MAGI1: variants seen among roughly 807,000 people sequenced by gnomAD.
The protein encoded by MAGI1 is membrane-associated guanylate kinase, WW and PDZ domain-containing protein 1.
MAGI1 carries 58 observed loss-of-function variants against 139.9 expected under a neutral mutation model. The observed-to-expected ratio is 0.41, with a 90% CI of 0.34 to 0.52. MAGI1 has a LOEUF of 0.52. Among genes scored for constraint, MAGI1 ranks in the 20% least tolerant of loss-of-function variants. The pLI, the probability that MAGI1 is intolerant of heterozygous loss-of-function variation, is 0.12. For missense variants in MAGI1, 1,874 were observed against 1,901.6 expected (o/e 0.99, Z 0.27); for synonymous variants, 812 against 737.9 (o/e 1.10, Z -1.63).
chr3:65,488,564 T>C (rs1951778319), intron 3 of MAGI1, among the ~76,000 whole-genome samples: 1 of 152,060 alleles, frequency 6.6e-6, no homozygotes, highest in South Asian at 2.1e-4. Context: ...TTGTGTCGAA[T>C]TCCTGACCTA....
At chr3:65,507,088 T>C (rs143583257) in intron 2 of MAGI1, among the ~76,000 whole-genome samples, 2 of 151,922 alleles carry the variant, frequency 1.3e-5, no homozygotes, top group Non-Finnish European at 2.9e-5. Context: ...CTTGAAAAAA[T>C]AAAGAAGAAT....
At chr3:65,686,380 C>T (rs865782439) in intron 1 of MAGI1, among the ~76,000 whole-genome samples, 2 of 152,168 alleles carry the variant, frequency 1.3e-5, no homozygotes, top group Admixed American at 6.5e-5. Flanking sequence ...CAACTTCCGC[C>T]TCCTGGATTC....
chr3:65,797,629 T>C (rs545152131), intron 1 of MAGI1, among the ~76,000 whole-genome samples: 122 of 152,146 alleles, frequency 8.0e-4, no homozygotes, highest in African/African-American at 2.9e-3. Context: ...GGTCAGGTGA[T>C]CACCTGAGCC....
chr3:65,408,639 A>T (rs973885084), intron 12 of MAGI1, among the ~76,000 whole-genome samples: 2 of 152,234 alleles, frequency 1.3e-5, no homozygotes, highest in African/African-American at 4.8e-5. Context: ...AGCCATCTGC[A>T]TCATTTCCTG....
At chr3:65,944,567 C>T (rs1451917063) in intron 1 of MAGI1, among the ~76,000 whole-genome samples, 4 of 151,766 alleles carry the variant, frequency 2.6e-5, no homozygotes, top group South Asian at 2.1e-4. Flanking sequence ...CTTTCCAATG[C>T]CTTTTTTTGA....
intron 1 of MAGI1, among the ~76,000 whole-genome samples, chr3:65,755,265 A>G (rs2036476855): frequency 6.6e-6 from 1 of 152,174 alleles, no homozygotes; most frequent in African/African-American, 2.4e-5. Context: ...GTACATTTGC[A>G]TTATATCAGC....
At chr3:65,678,089 G>A (rs890774920) in intron 1 of MAGI1, among the ~76,000 whole-genome samples, 2 of 152,122 alleles carry the variant, frequency 1.3e-5, no homozygotes, top group South Asian at 2.1e-4. Context: ...ACCAAACACC[G>A]CATGTTCTCG....
intron 1 of MAGI1, among the ~76,000 whole-genome samples, chr3:65,866,003 T>C (rs1359585963): frequency 6.6e-6 from 1 of 152,178 alleles, no homozygotes; most frequent in African/African-American, 2.4e-5. Flanking sequence ...TCATAACATA[T>C]GACTGAGAGA....
At position 65,721,151 on chromosome 3, in the gene MAGI1, T is replaced by C. The variant is rs146171552; in HGVS notation, c.314-99063A>G. Among the ~76,000 whole-genome samples, 42 of 152,284 alleles carry C rather than the reference T, an allele frequency of 2.8e-4. No homozygotes were observed. The East Asian group carries it at 6.8e-3, about 24-fold the overall frequency. On this transcript the variant is annotated intron_variant, in intron 1 of 22. Coordinates refer to ENST00000402939, the MANE Select transcript of MAGI1 (RefSeq NM_001033057.2). ...CAGAGGTAGTGAGACCAACGCCCTA[T>C]TGCTTTTAACTAATATGTTTGCCAC...
At chr3:65,817,632 A>G (rs574046621) in intron 1 of MAGI1, among the ~76,000 whole-genome samples, 26 of 152,328 alleles carry the variant, frequency 1.7e-4, no homozygotes, top group African/African-American at 6.0e-4. Flanking sequence ...TAGTGTTAGA[A>G]AAGAAAGAGG....
chr3:65,450,986 GTACAGGCACACAGATATACATAGA>G, intron 6 of MAGI1, among the ~76,000 whole-genome samples: 1 of 152,140 alleles, frequency 6.6e-6, no homozygotes, highest in East Asian at 1.9e-4. Flanking sequence ...CTGTTTGTGT[GTACAGGCACACAGATATACATAGA>G]ATTTCTACTA....
intron 2 of MAGI1, 55 bp downstream of exon 2, chr3:65,621,917 T>A (rs2107062378): frequency 2.0e-6 from 2 of 986,068 alleles, no homozygotes; most frequent in Non-Finnish European, 1.5e-6. Context: ...CCTGGACTTT[T>A]CACACACACA....
intron 1 of MAGI1, among the ~76,000 whole-genome samples, chr3:65,893,188 C>T (rs1048621286): frequency 6.6e-6 from 1 of 152,060 alleles, no homozygotes; most frequent in Non-Finnish European, 1.5e-5. Flanking sequence ...TCCTTCATCC[C>T]TTCTTCTCTA....
At chr3:65,918,379 A>ATTTTTTTT (rs34906725) in intron 1 of MAGI1, among the ~76,000 whole-genome samples, 3 of 128,704 alleles carry the variant, frequency 2.3e-5, no homozygotes, top group East Asian at 2.3e-4. Context: ...GCTCCAAAAC[A>ATTTTTTTT]TTTTTTTTTT....
intron 1 of MAGI1, among the ~76,000 whole-genome samples, chr3:65,702,938 C>T (rs565582928): frequency 1.1e-4 from 16 of 151,958 alleles, no homozygotes; most frequent in Non-Finnish European, 1.8e-4. Context: ...TTCCTTAGAT[C>T]TCTGAGATGC....
chr3:65,994,719 T>C (rs1014340633), intron 1 of MAGI1, among the ~76,000 whole-genome samples: 5 of 152,298 alleles, frequency 3.3e-5, no homozygotes, highest in Middle Eastern at 3.4e-3. Flanking sequence ...CTGGCTCAAA[T>C]TGCTTAGCTG....
At chr3:65,898,012 T>C (rs1376855916) in intron 1 of MAGI1, among the ~76,000 whole-genome samples, 2 of 152,204 alleles carry the variant, frequency 1.3e-5, no homozygotes, top group Non-Finnish European at 2.9e-5. Flanking sequence ...TAAAATTAAC[T>C]TGCAGTCCAA....
intron 1 of MAGI1, among the ~76,000 whole-genome samples, chr3:65,661,532 G>A (rs777413608): frequency 6.6e-6 from 1 of 152,030 alleles, no homozygotes; most frequent in African/African-American, 2.4e-5. Context: ...TGTTTGCATT[G>A]GAATCCTGGC....
chr3:65,936,092 C>A (rs1357299623), intron 1 of MAGI1, among the ~76,000 whole-genome samples: 1 of 152,192 alleles, frequency 6.6e-6, no homozygotes, highest in Non-Finnish European at 1.5e-5. Flanking sequence ...AGCCACAACA[C>A]ACAGGACCAG....
Sources: allele counts gnomAD v4.1 joint callset (sites outside exome capture counted in the v4.1 genomes callset), GRCh38; gene constraint gnomAD v4.1.1; transcripts MANE v1.5; gene names NCBI Gene and HGNC (gene_info 2026-07-23, HGNC 2026-07-21).